PREP: variants seen among roughly 807,000 people sequenced by gnomAD.
PREP encodes the protein prolyl endopeptidase, also known as dJ355L5.1 (prolyl endopeptidase).
A neutral mutation model predicts 87.6 loss-of-function variants in PREP; 29 were observed. That is an observed-to-expected ratio of 0.33 (90% CI 0.25 to 0.45). The LOEUF (loss-of-function observed/expected upper bound fraction) is 0.45, where lower values mean the gene tolerates loss of function less well. PREP is among the 20% of genes least tolerant of loss of function. The pLI is 1.00. For missense variants in PREP, 695 were observed against 886.5 expected, an observed-to-expected ratio of 0.78 and a Z score of 2.74; for synonymous variants, 337 against 328.6, an observed-to-expected ratio of 1.03 and a Z score of -0.28.
At chr6:105,325,676 T>C (rs528412978) in intron 9 of PREP, among the ~76,000 whole-genome samples, 34 of 152,350 alleles carry the variant, frequency 2.2e-4, no homozygotes, top group Middle Eastern at 3.4e-3. Flanking sequence ...GGTTAGCCCA[T>C]TGCATATTCA....
chr6:105,381,760 A>C (rs1772844374), intron 2 of PREP, among the ~76,000 whole-genome samples: 1 of 152,224 alleles, frequency 6.6e-6, no homozygotes, highest in Non-Finnish European at 1.5e-5. Flanking sequence ...AAGCAAAGCA[A>C]AGCTTCAGTT....
intron 9 of PREP, among the ~76,000 whole-genome samples, chr6:105,324,072 G>A (rs1199978800): frequency 6.6e-6 from 1 of 152,200 alleles, no homozygotes; most frequent in Non-Finnish European, 1.5e-5. Flanking sequence ...ATGAGAAAAG[G>A]TGAGAAACCT....
chr6:105,288,719 A>T, intron 11 of PREP, 39 bp downstream of exon 11: 5 of 1,608,620 alleles, frequency 3.1e-6, no homozygotes, highest in Non-Finnish European at 4.2e-6. Flanking sequence ...TATATGGAAA[A>T]GATAAAATAC....
At chr6:105,284,224 G>A (rs1306596544) in intron 12 of PREP, among the ~76,000 whole-genome samples, 3 of 152,154 alleles carry the variant, frequency 2.0e-5, no homozygotes, top group Non-Finnish European at 4.4e-5. Flanking sequence ...AGTTTCTGGG[G>A]ATGATAACTG....
At chr6:105,369,300 T>C (rs931765327) in intron 5 of PREP, among the ~76,000 whole-genome samples, 2 of 152,212 alleles carry the variant, frequency 1.3e-5, no homozygotes, top group African/African-American at 2.4e-5. Flanking sequence ...AAAATTCTGA[T>C]GAAAGAAGTA....
intron 9 of PREP, 93 bp from the exon 10 acceptor site, chr6:105,323,861 G>T: frequency 9.6e-7 from 1 of 1,045,974 alleles, no homozygotes; most frequent in Non-Finnish European, 1.5e-6. Flanking sequence ...GCCAGCAATG[G>T]CAAGAGAGGA....
chr6:105,345,173 G>A (rs891379209), intron 7 of PREP, among the ~76,000 whole-genome samples: 75 of 152,278 alleles, frequency 4.9e-4, no homozygotes, highest in African/African-American at 1.5e-3. Flanking sequence ...ATTCATTTTT[G>A]CTACTCACAA....
At chr6:105,283,009 TG>T (rs1770115265) in intron 12 of PREP, among the ~76,000 whole-genome samples, 1 of 152,216 alleles carries the variant, frequency 6.6e-6, no homozygotes, top group African/African-American at 2.4e-5. Context: ...GAGCTGGCTG[TG>T]GGAGTGCTCG....
rs78150460 is a variant in PREP at position 105,362,153 on chromosome 6, T to C, written c.717+6750A>G. Among the ~76,000 whole-genome samples, 1,230 of 152,268 alleles carry C rather than the reference T, an allele frequency of 8.1e-3. 18 individuals carry two copies. Among genetic ancestry groups the C allele is most frequent in the African/African-American group, 0.029 (1,192 of 41,554 alleles). ...TTAGCTGGTTGTCTGTTTGATAAAT[T>C]TGGTTATTCAACAATCTACTGTTGG... On this transcript the variant is annotated intron_variant, in intron 6 of 14. Transcript: ENST00000652536.
Position 105,322,446 on chromosome 6 carries a change from C to A in PREP, c.1317+1219G>T, listed in dbSNP as rs1159113540. 3.0e-6 allele frequency: 3 copies of A among 984,852 alleles called. No individual in the cohort carries two copies. The African/African-American group carries it at 5.2e-5, about 17-fold the overall frequency. 61.0% of individuals were successfully genotyped at this position (984,852 alleles called of 1,614,324 possible). On this transcript the variant is annotated intron_variant, in intron 10 of 14. Transcript: ENST00000652536. Reference sequence around the variant, plus strand: ...CAGAAAGGTTAAATGACTTGCCCCACGTGGATTTCAGGCCTGTCTGACAGA... The same window carrying A: ...CAGAAAGGTTAAATGACTTGCCCCAAGTGGATTTCAGGCCTGTCTGACAGA...
At chr6:105,327,430 A>T (rs1009413412) in intron 9 of PREP, among the ~76,000 whole-genome samples, 1 of 152,148 alleles carries the variant, frequency 6.6e-6, no homozygotes, top group East Asian at 1.9e-4. Context: ...GATCCGCTGC[A>T]AGGTGCTTGG....
chr6:105,396,174 C>G (rs1376131008), intron 2 of PREP, among the ~76,000 whole-genome samples: 2 of 152,220 alleles, frequency 1.3e-5, no homozygotes, highest in Non-Finnish European at 1.5e-5. Flanking sequence ...AAATATCAAC[C>G]ATTCTCATCC....
intron 6 of PREP, 48 bp from the exon 7 acceptor site, chr6:105,353,125 T>G: frequency 7.0e-7 from 1 of 1,425,770 alleles, no homozygotes; most frequent in Non-Finnish European, 9.8e-7. Flanking sequence ...GAATTTATTT[T>G]TGTGAGAACA....
At chr6:105,305,458 A>C (rs987081560) in intron 10 of PREP, among the ~76,000 whole-genome samples, 1 of 152,150 alleles carries the variant, frequency 6.6e-6, no homozygotes, top group Admixed American at 6.5e-5. Context: ...TTTTGCAAAG[A>C]GGTGGTCAAT....
At chr6:105,307,694 C>T (rs1374242234) in intron 10 of PREP, among the ~76,000 whole-genome samples, 1 of 152,064 alleles carries the variant, frequency 6.6e-6, no homozygotes, top group African/African-American at 2.4e-5. Context: ...CTTACCGCAA[C>T]CTCCACCTCC....
intron 11 of PREP, among the ~76,000 whole-genome samples, chr6:105,288,201 T>A (rs959993894): frequency 1.5e-4 from 23 of 152,244 alleles, no homozygotes; most frequent in Non-Finnish European, 2.8e-4. Context: ...AGCCATAGCC[T>A]CCCAATCCAG....
Position 105,328,828 on chromosome 6 carries a change from C to T in PREP, c.1213+1G>A, listed in dbSNP as rs757098142. 21 of 1,613,704 alleles carry T rather than the reference C, an allele frequency of 1.3e-5. No individual in the cohort carries two copies. The highest frequency in any genetic ancestry group is 1.6e-4 in the Middle Eastern group (1 of 6,084). ...AACAGCAACAGTGAAAAAACACTTA[C>T]CTGGAGATAAAAAGGAAGTAAACTG... On this transcript the variant is annotated splice_donor_variant, in intron 9 of 14. Coordinates refer to ENST00000652536, the MANE Select transcript of PREP (RefSeq NM_002726.5). LOFTEE classifies it high-confidence loss of function.
At chr6:105,302,748 C>A in intron 10 of PREP, 1 of 503,602 alleles carries the variant, frequency 2.0e-6, no homozygotes, top group Non-Finnish European at 3.9e-6. Context: ...GACAGCTCCA[C>A]CTTCAGGTCG....
chr6:105,301,846 C>T (rs1405473765), intron 10 of PREP, among the ~76,000 whole-genome samples: 2 of 152,208 alleles, frequency 1.3e-5, no homozygotes, highest in Admixed American at 6.5e-5. Context: ...TAAGGCTCAG[C>T]CATCTGTTTT....
Sources: allele counts gnomAD v4.1 joint callset (sites outside exome capture counted in the v4.1 genomes callset), GRCh38; gene constraint gnomAD v4.1.1; transcripts MANE v1.5; gene names NCBI Gene and HGNC (gene_info 2026-07-23, HGNC 2026-07-21).